Variants in LMX1A observed in about 807,000 individuals in gnomAD.
LMX1A encodes the protein LIM homeobox transcription factor 1 alpha.
A neutral mutation model predicts 49.1 loss-of-function variants in LMX1A; 15 were observed. The ratio of observed to expected loss-of-function variants is 0.31; its 90% CI spans 0.20 to 0.47. LMX1A has a LOEUF of 0.47. LMX1A is among the 20% of genes least tolerant of loss of function. The probability of loss-of-function intolerance (pLI) is 1.00; values close to 1 mark genes in which losing one functional copy is unlikely to be tolerated. For missense variants in LMX1A, 372 were observed against 475.8 expected, an observed-to-expected ratio of 0.78 and a Z score of 2.03; for synonymous variants, 167 against 185.7, an observed-to-expected ratio of 0.90 and a Z score of 0.82.
intron 3 of LMX1A, among the ~76,000 whole-genome samples, chr1:165,266,316 T>A (rs956660503): frequency 1.3e-5 from 2 of 152,134 alleles, no homozygotes; most frequent in African/African-American, 4.8e-5. Context: ...GGGAAGAACA[T>A]TCTAGGCAGA....
At position 165,356,685 on chromosome 1, in the gene LMX1A, C is replaced by T. The variant is rs1656632931; in HGVS notation, c.-353G>A. The T allele has an allele frequency of 6.5e-6, 1 of 153,064 alleles. No homozygotes were observed. The highest frequency in any genetic ancestry group is 2.4e-5 in the African/African-American group (1 of 41,474). 9.5% of individuals were successfully genotyped at this position (153,064 alleles called of 1,614,324 possible). Reference sequence around the variant, plus strand: ...CCAGGGTCCTGGGTGCGAGTCGGCCCTGCTTCGCCGGGGCGGATCCTGCAG... The same window carrying T: ...CCAGGGTCCTGGGTGCGAGTCGGCCTTGCTTCGCCGGGGCGGATCCTGCAG... On this transcript the variant is annotated 5_prime_UTR_variant, in exon 1 of 9. Coordinates refer to ENST00000342310, the MANE Select transcript of LMX1A (RefSeq NM_177398.4).
intron 3 of LMX1A, among the ~76,000 whole-genome samples, chr1:165,317,276 C>T (rs1459600282): frequency 1.3e-5 from 2 of 152,208 alleles, no homozygotes; most frequent in African/African-American, 4.8e-5. Flanking sequence ...AGAATTAATA[C>T]ATATGCTCCA....
chr1:165,259,266 T>C (rs1217217587), intron 3 of LMX1A, among the ~76,000 whole-genome samples: 1 of 152,032 alleles, frequency 6.6e-6, no homozygotes, highest in Admixed American at 6.5e-5. Flanking sequence ...AAACTGAGGG[T>C]ACATCTCATT....
intron 3 of LMX1A, among the ~76,000 whole-genome samples, chr1:165,284,551 G>T (rs1654248636): frequency 6.6e-6 from 1 of 152,222 alleles, no homozygotes; most frequent in Admixed American, 6.5e-5. Context: ...ATTTTACACG[G>T]TGCCTACCCA....
chr1:165,232,799 A>C (rs974418691), intron 4 of LMX1A, among the ~76,000 whole-genome samples: 21 of 152,152 alleles, frequency 1.4e-4, no homozygotes, highest in African/African-American at 5.1e-4. Flanking sequence ...GTCACACCCC[A>C]GCTGTTAGAT....
At chr1:165,276,684 G>C (rs1018190520) in intron 3 of LMX1A, among the ~76,000 whole-genome samples, 2 of 152,066 alleles carry the variant, frequency 1.3e-5, no homozygotes, top group African/African-American at 4.8e-5. Flanking sequence ...AATTAAGTGT[G>C]GCTGATGTTA....
At chr1:165,220,173 G>A (rs772882991) in intron 4 of LMX1A, among the ~76,000 whole-genome samples, 32 of 152,226 alleles carry the variant, frequency 2.1e-4, no homozygotes, top group Non-Finnish European at 4.4e-4. Flanking sequence ...AGAACCCCTT[G>A]CTCTTAAGGA....
At chr1:165,236,343 A>C (rs1388323272) in intron 4 of LMX1A, among the ~76,000 whole-genome samples, 3 of 151,692 alleles carry the variant, frequency 2.0e-5, no homozygotes, top group Non-Finnish European at 4.4e-5. Context: ...AAATCAATCA[A>C]ACAAAAATCT....
chr1:165,260,666 T>C (rs552995945), intron 3 of LMX1A, among the ~76,000 whole-genome samples: 14 of 152,252 alleles, frequency 9.2e-5, no homozygotes, highest in South Asian at 4.1e-4. Context: ...GCCTAGCATA[T>C]AACAATGCTC....
At chr1:165,325,974 T>A (rs1176675470) in intron 3 of LMX1A, among the ~76,000 whole-genome samples, 1 of 151,980 alleles carries the variant, frequency 6.6e-6, no homozygotes, top group African/African-American at 2.4e-5. Flanking sequence ...TCCTCACCAG[T>A]GGCAGTAATA....
chr1:165,227,868 T>C (rs1374216035), intron 4 of LMX1A, among the ~76,000 whole-genome samples: 2 of 152,178 alleles, frequency 1.3e-5, no homozygotes, highest in Admixed American at 1.3e-4. Flanking sequence ...GGAAAAAGAC[T>C]TTCTTTAGTC....
intron 3 of LMX1A, among the ~76,000 whole-genome samples, chr1:165,305,291 T>C (rs905486578): frequency 1.3e-5 from 2 of 152,084 alleles, no homozygotes; most frequent in African/African-American, 4.8e-5. Flanking sequence ...AGTGGCAGGA[T>C]CCTGGAGAAA....
chr1:165,299,286 G>T (rs1654708180), intron 3 of LMX1A, among the ~76,000 whole-genome samples: 2 of 152,210 alleles, frequency 1.3e-5, no homozygotes, highest in South Asian at 4.1e-4. Flanking sequence ...TGGATCTGAG[G>T]CTTCAATAAG....
chr1:165,332,921 A>G (rs901008110), intron 3 of LMX1A, among the ~76,000 whole-genome samples: 4 of 152,174 alleles, frequency 2.6e-5, no homozygotes, highest in African/African-American at 9.7e-5. Context: ...TGTCTTACAC[A>G]CAAAGCAGCT....
intron 4 of LMX1A, among the ~76,000 whole-genome samples, chr1:165,230,152 T>C (rs1253647142): frequency 6.6e-6 from 1 of 152,216 alleles, no homozygotes; most frequent in African/African-American, 2.4e-5. Context: ...GTTTGGACCC[T>C]GACCTCCAAC....
At chr1:165,346,474 A>G (rs1420927059) in intron 3 of LMX1A, among the ~76,000 whole-genome samples, 3 of 152,166 alleles carry the variant, frequency 2.0e-5, no homozygotes, top group African/African-American at 7.2e-5. Context: ...AATTCTAGCT[A>G]ATCTGTGCAT....
At chr1:165,347,720 C>T (rs1441565220) in intron 3 of LMX1A, among the ~76,000 whole-genome samples, 1 of 152,148 alleles carries the variant, frequency 6.6e-6, no homozygotes, top group Non-Finnish European at 1.5e-5. Context: ...AAGATCATAA[C>T]ATTCAGTATT....
intron 3 of LMX1A, among the ~76,000 whole-genome samples, chr1:165,313,416 C>A (rs1655128571): frequency 6.6e-6 from 1 of 150,992 alleles, no homozygotes; most frequent in African/African-American, 2.4e-5. Context: ...TGTCATGAAC[C>A]ATTCTTTAAA....
chr1:165,277,221 G>C (rs1653996479), intron 3 of LMX1A, among the ~76,000 whole-genome samples: 1 of 152,204 alleles, frequency 6.6e-6, no homozygotes, highest in African/African-American at 2.4e-5. Context: ...TGCAAATGCA[G>C]GGCGAGCCAG....
Sources: allele counts gnomAD v4.1 joint callset (sites outside exome capture counted in the v4.1 genomes callset), GRCh38; gene constraint gnomAD v4.1.1; transcripts MANE v1.5; gene names NCBI Gene and HGNC (gene_info 2026-07-23, HGNC 2026-07-21).